DSCAM: variants seen among roughly 807,000 people sequenced by gnomAD.
DSCAM encodes the protein cell adhesion molecule DSCAM.
A neutral mutation model predicts 217.7 loss-of-function variants in DSCAM; 47 were observed. That is an observed-to-expected ratio of 0.22 (90% CI 0.17 to 0.28). DSCAM has a LOEUF of 0.28. Ranked by LOEUF, DSCAM falls within the 10% of genes least tolerant of loss-of-function variation. The pLI is 1.00. For synonymous variants in DSCAM, 1,056 were observed against 1,015.3 expected, an observed-to-expected ratio of 1.04 and a Z score of -0.76; for missense variants, 2,080 against 2,618.3, an observed-to-expected ratio of 0.79 and a Z score of 4.49.
At chr21:40,446,039 G>C (rs1013795369) in intron 3 of DSCAM, among the ~76,000 whole-genome samples, 3 of 152,078 alleles carry the variant, frequency 2.0e-5, no homozygotes, top group African/African-American at 7.2e-5. Flanking sequence ...AAATGCTCTT[G>C]GTTTTGGAAA....
chr21:40,701,983 T>C (rs1409787554), intron 2 of DSCAM, among the ~76,000 whole-genome samples: 15 of 152,170 alleles, frequency 9.9e-5, no homozygotes, highest in Admixed American at 9.2e-4. Flanking sequence ...TTTTTGTTCT[T>C]ACTGATTTTC....
In DSCAM at chr21:40,116,536, G is replaced by A. The variant is rs534366580; in HGVS notation, c.3696+7659C>T. ...GATGCTGGGGCTACAGTAATCCTTG[G>A]TTGATCCAAGAACATAGAGAGCCTA... On this transcript the variant is annotated intron_variant, in intron 20 of 32. Coordinates refer to ENST00000400454, the MANE Select transcript of DSCAM (RefSeq NM_001389.5). 2.0e-5 allele frequency among the ~76,000 whole-genome samples: 3 copies of A among 152,140 alleles called. No individual in the cohort carries two copies. The South Asian group carries it at 6.2e-4, about 32-fold the overall frequency.
At chr21:40,348,207 C>T (rs2074582734) in intron 5 of DSCAM, among the ~76,000 whole-genome samples, 4 of 152,278 alleles carry the variant, frequency 2.6e-5, no homozygotes, top group Non-Finnish European at 5.9e-5. Flanking sequence ...TGCAATCGTA[C>T]CCCACACAGT....
chr21:40,290,543 C>A (rs996339081), intron 10 of DSCAM, among the ~76,000 whole-genome samples: 1 of 152,160 alleles, frequency 6.6e-6, no homozygotes, highest in African/African-American at 2.4e-5. Context: ...ATCTCTTGAA[C>A]CCGGGAGGTG....
Position 40,655,209 on chromosome 21 carries a change from C to T in DSCAM, c.508+37601G>A, listed in dbSNP as rs962295740. Among the ~76,000 whole-genome samples, 3 of 152,276 alleles carry T rather than the reference C, an allele frequency of 2.0e-5. No individual in the cohort carries two copies. In the East Asian group the frequency reaches 5.8e-4, roughly 29 times the overall value. On this transcript the variant is annotated intron_variant, in intron 3 of 32. Coordinates refer to ENST00000400454, the MANE Select transcript of DSCAM (RefSeq NM_001389.5). ...ACCCTGCTTAAGGAACCTAAAATATCATGCTTGTCTTAGTCCACATGTGCT... is the reference window on the plus strand; with the variant it reads ...ACCCTGCTTAAGGAACCTAAAATATTATGCTTGTCTTAGTCCACATGTGCT...
At chr21:40,654,026 C>T (rs985214876) in intron 3 of DSCAM, among the ~76,000 whole-genome samples, 8 of 150,854 alleles carry the variant, frequency 5.3e-5, no homozygotes, top group Non-Finnish European at 7.4e-5. Flanking sequence ...ACCCAGGAGG[C>T]GGAGGTTGCA....
intron 1 of DSCAM, among the ~76,000 whole-genome samples, chr21:40,815,024 A>T (rs2091868861): frequency 6.6e-6 from 1 of 152,214 alleles, no homozygotes; most frequent in Non-Finnish European, 1.5e-5. Context: ...TTTTCTAAGC[A>T]TGATTTGATC....
intron 3 of DSCAM, among the ~76,000 whole-genome samples, chr21:40,444,649 A>G (rs935995017): frequency 4.6e-5 from 7 of 152,258 alleles, no homozygotes; most frequent in Non-Finnish European, 8.8e-5. Context: ...TACAAAATGA[A>G]TAAGAACTGA....
At chr21:40,841,174 A>C (rs1401307270) in intron 1 of DSCAM, among the ~76,000 whole-genome samples, 1 of 152,128 alleles carries the variant, frequency 6.6e-6, no homozygotes, top group Non-Finnish European at 1.5e-5. Context: ...AGATTTGTGA[A>C]ACCCAACCCT....
chr21:40,255,371 TA>T (rs1160547009), intron 11 of DSCAM, among the ~76,000 whole-genome samples: 5 of 152,160 alleles, frequency 3.3e-5, no homozygotes, highest in Non-Finnish European at 7.4e-5. Flanking sequence ...AGTGAGTCTA[TA>T]AAAGACTTAA....
rs1433988813 is a variant in DSCAM, at chr21:40,419,923, A to G, written c.509-50678T>C. Among the ~76,000 whole-genome samples, 4 of 152,260 alleles carry G rather than the reference A, an allele frequency of 2.6e-5. No individual in the cohort carries two copies. In the East Asian group the frequency reaches 7.7e-4, roughly 29 times the overall value. ...TTTTATTCTTGGCTTTTACACCTAT[A>G]AAAAAGTTTGGATAAGTATATATAA... On this transcript the variant is annotated intron_variant, in intron 3 of 32. Coordinates refer to ENST00000400454, the MANE Select transcript of DSCAM (RefSeq NM_001389.5).
In DSCAM at chr21:40,205,601, T is replaced by G. The variant is rs368093694; in HGVS notation, c.2357-16363A>C. On this transcript the variant is annotated intron_variant, in intron 11 of 32. Transcript: ENST00000400454. ...TTGGGTGACAGAGCAAGACTCTATC[T>G]CAAAAAAAAAAAAAAAAAAAAGTGT... Among the ~76,000 whole-genome samples, 142 of 94,324 alleles carry G rather than the reference T, an allele frequency of 1.5e-3. 2 individuals are homozygous for G. The South Asian group carries it at 0.036, about 24-fold the overall frequency. 61.9% of individuals were successfully genotyped at this position (94,324 alleles called of 152,430 possible).
chr21:40,619,698 T>C (rs946920234), intron 3 of DSCAM, among the ~76,000 whole-genome samples: 15 of 152,270 alleles, frequency 9.9e-5, no homozygotes, highest in South Asian at 4.1e-4. Flanking sequence ...TCCACAGGCA[T>C]TGTAAATACG....
At chr21:40,110,613 A>G (rs1489478647) in intron 20 of DSCAM, among the ~76,000 whole-genome samples, 1 of 152,118 alleles carries the variant, frequency 6.6e-6, no homozygotes, top group Non-Finnish European at 1.5e-5. Context: ...TGATCAAACG[A>G]CTCAGAGCTA....
chr21:40,766,551 C>T (rs1353236531), intron 1 of DSCAM, among the ~76,000 whole-genome samples: 2 of 150,044 alleles, frequency 1.3e-5, no homozygotes, highest in African/African-American at 2.5e-5. Context: ...AAAATGCTTG[C>T]TAGAAGAGCA....
intron 32 of DSCAM, among the ~76,000 whole-genome samples, chr21:40,014,680 C>G (rs2088126336): frequency 6.6e-6 from 1 of 152,178 alleles, no homozygotes; most frequent in Non-Finnish European, 1.5e-5. Context: ...GGTGTCGGAC[C>G]TCTGTTATGG....
chr21:40,197,168 G>A (rs923006623), intron 11 of DSCAM, among the ~76,000 whole-genome samples: 1 of 151,890 alleles, frequency 6.6e-6, no homozygotes, highest in Non-Finnish European at 1.5e-5. Flanking sequence ...GCCCAGGCTG[G>A]AGTGCAGTGT....
chr21:40,432,603 G>A (rs2075545234), intron 3 of DSCAM, among the ~76,000 whole-genome samples: 1 of 152,164 alleles, frequency 6.6e-6, no homozygotes, highest in Non-Finnish European at 1.5e-5. Flanking sequence ...TTTGGTGAAT[G>A]GGGCATTATT....
intron 11 of DSCAM, among the ~76,000 whole-genome samples, chr21:40,231,089 G>A (rs1246281448): frequency 6.6e-6 from 1 of 150,856 alleles, no homozygotes; most frequent in African/African-American, 2.4e-5. Flanking sequence ...TTTCTTGCAG[G>A]TGAGACAAAA....
Sources: allele counts gnomAD v4.1 joint callset (sites outside exome capture counted in the v4.1 genomes callset), GRCh38; gene constraint gnomAD v4.1.1; transcripts MANE v1.5; gene names NCBI Gene and HGNC (gene_info 2026-07-23, HGNC 2026-07-21).